BARX2: variants seen among roughly 807,000 people sequenced by gnomAD.
The protein encoded by BARX2 is BARX homeobox 2.
BARX2 carries 11 observed loss-of-function variants against 25.5 expected under a neutral mutation model. That is an observed-to-expected ratio of 0.43 (90% CI 0.27 to 0.71). The LOEUF (loss-of-function observed/expected upper bound fraction) is 0.71, where lower values mean the gene tolerates loss of function less well. Ranked by LOEUF, BARX2 falls within the 30% of genes least tolerant of loss-of-function variation. The pLI is 0.19. For missense variants in BARX2, 360 were observed against 359.9 expected (o/e 1.00, Z 0.00); for synonymous variants, 137 against 149.5 (o/e 0.92, Z 0.61).
At chr11:129,422,118 G>A (rs1301293729) in intron 1 of BARX2, among the ~76,000 whole-genome samples, 1 of 152,012 alleles carries the variant, frequency 6.6e-6, no homozygotes, top group Non-Finnish European at 1.5e-5. Context: ...GGCTTCAAAT[G>A]ATCTCCTGCC....
chr11:129,436,556 G>T lies in BARX2; in HGVS notation c.188-195G>T, dbSNP rs746552602. ...GCCGTGGGCTTCATCTTCCCACACA[G>T]AGCAGAGCAGACCTCTGTGCCTGCC... On this transcript the variant is annotated intron_variant, in intron 1 of 3. Transcript: ENST00000281437. This position sits in a 1 kb window ranked among gnomAD's most constrained non-coding sequence, Gnocchi z 4.5. 7 of 540,100 alleles carry T rather than the reference G, an allele frequency of 1.3e-5. No individual in the cohort carries two copies. The highest frequency in any genetic ancestry group is 1.9e-5 in the Non-Finnish European group (6 of 317,308). 33.5% of individuals were successfully genotyped at this position (540,100 alleles called of 1,614,324 possible). A position where few individuals can be genotyped will look rare whatever the true frequency, so the allele number is the denominator to read the frequency against.
intron 1 of BARX2, among the ~76,000 whole-genome samples, chr11:129,428,897 T>C (rs555398798): frequency 6.6e-6 from 1 of 152,148 alleles, no homozygotes; most frequent in Non-Finnish European, 1.5e-5. Context: ...TGGGGAAGAG[T>C]ACACTCTTAG....
intron 1 of BARX2, among the ~76,000 whole-genome samples, chr11:129,418,710 C>T (rs1051176402): frequency 2.6e-5 from 4 of 151,958 alleles, no homozygotes; most frequent in Non-Finnish European, 5.9e-5. Flanking sequence ...AATTGGGTAC[C>T]CTGTCATGAG....
At chr11:129,404,284 T>C (rs1591433993) in intron 1 of BARX2, among the ~76,000 whole-genome samples, 1 of 152,208 alleles carries the variant, frequency 6.6e-6, no homozygotes, top group Non-Finnish European at 1.5e-5. Flanking sequence ...GGGTGAACAG[T>C]GCACCATCCA....
At chr11:129,383,746 C>T (rs183863189) in intron 1 of BARX2, among the ~76,000 whole-genome samples, 254 of 152,306 alleles carry the variant, frequency 1.7e-3, no homozygotes, top group Non-Finnish European at 3.0e-3. Context: ...AAACTAACTA[C>T]GTTCCATGTA....
intron 1 of BARX2, among the ~76,000 whole-genome samples, chr11:129,417,346 G>A (rs1565516253): frequency 6.6e-6 from 1 of 152,148 alleles, no homozygotes; most frequent in Non-Finnish European, 1.5e-5. Context: ...CCCAGGACAG[G>A]GAGGCCACGT....
At chr11:129,408,672 T>C (rs1368666819) in intron 1 of BARX2, among the ~76,000 whole-genome samples, 3 of 152,238 alleles carry the variant, frequency 2.0e-5, no homozygotes, top group African/African-American at 4.8e-5. Context: ...TTGGAGACTA[T>C]CTCGGCCTCC....
chr11:129,380,361 G>C (rs919095495), intron 1 of BARX2, among the ~76,000 whole-genome samples: 5 of 152,064 alleles, frequency 3.3e-5, no homozygotes, highest in African/African-American at 1.2e-4. Flanking sequence ...CAAACATTGG[G>C]TGTCATCCCA....
chr11:129,433,338 C>A (rs756384587), intron 1 of BARX2, among the ~76,000 whole-genome samples: 5 of 152,196 alleles, frequency 3.3e-5, no homozygotes, highest in African/African-American at 1.2e-4. Flanking sequence ...GGTCTACTGG[C>A]CTCCTCACTG....
chr11:129,442,002 A>G (rs1565522934), intron 2 of BARX2, among the ~76,000 whole-genome samples: 1 of 152,220 alleles, frequency 6.6e-6, no homozygotes, highest in Non-Finnish European at 1.5e-5. Flanking sequence ...GACTTTTAGG[A>G]CTTTTCAGAA....
intron 2 of BARX2, 97 bp from the exon 3 acceptor site, chr11:129,442,738 C>A: frequency 1.9e-6 from 2 of 1,060,746 alleles, no homozygotes; most frequent in Non-Finnish European, 3.0e-6. Flanking sequence ...GCCTTGGTAG[C>A]CAGTGCTGGA....
chr11:129,386,611 T>G (rs1050168675), intron 1 of BARX2, among the ~76,000 whole-genome samples: 2 of 152,214 alleles, frequency 1.3e-5, no homozygotes, highest in African/African-American at 4.8e-5. Flanking sequence ...TCCTATTGTT[T>G]GGAGGAGTAA....
At chr11:129,425,903 T>C (rs1862056872) in intron 1 of BARX2, among the ~76,000 whole-genome samples, 1 of 152,182 alleles carries the variant, frequency 6.6e-6, no homozygotes, top group African/African-American at 2.4e-5. Flanking sequence ...ACTGGAGGGT[T>C]ATTCCAGAGT....
Position 129,390,566 on chromosome 11 carries a change from G to A in BARX2, c.187+14344G>A, listed in dbSNP as rs1460917596. ...AATGTTGGCCAATGGGGAAGGGAGA[G>A]TGAGGGGTAAGGAAACAAGTTAGTC... On this transcript the variant is annotated intron_variant, in intron 1 of 3. Transcript: ENST00000281437. The surrounding 1 kb of genome is among the most constrained non-coding windows in gnomAD (Gnocchi z 4.3). 2.0e-5 allele frequency among the ~76,000 whole-genome samples: 3 copies of A among 151,170 alleles called. No individual in the cohort carries two copies. The highest frequency in any genetic ancestry group is 7.3e-5 in the African/African-American group (3 of 41,112).
chr11:129,380,016 A>C (rs7108298), intron 1 of BARX2, among the ~76,000 whole-genome samples: 71,594 of 151,316 alleles, frequency 0.47, 17,099 homozygotes, highest in East Asian at 0.57. Context: ...AGAGCTGGAG[A>C]GGCTCATAAA....
intron 1 of BARX2, among the ~76,000 whole-genome samples, chr11:129,414,751 A>T (rs1486156259): frequency 6.6e-6 from 1 of 152,248 alleles, no homozygotes; most frequent in East Asian, 1.9e-4. Context: ...TTGTGCCTTC[A>T]TTGTGACTGG....
At chr11:129,417,852 G>C (rs550519764) in intron 1 of BARX2, among the ~76,000 whole-genome samples, 2 of 152,224 alleles carry the variant, frequency 1.3e-5, no homozygotes, top group African/African-American at 2.4e-5. Context: ...TGTCATTTTC[G>C]TAAGTTTCTA....
chr11:129,389,935 GC>G (rs1334873776), intron 1 of BARX2, among the ~76,000 whole-genome samples: 1 of 152,112 alleles, frequency 6.6e-6, no homozygotes, highest in African/African-American at 2.4e-5. Flanking sequence ...TACTGGTGGG[GC>G]TAGCTTCTGA....
intron 1 of BARX2, among the ~76,000 whole-genome samples, chr11:129,393,765 T>C (rs1419878199): frequency 1.3e-5 from 2 of 152,160 alleles, no homozygotes; most frequent in Non-Finnish European, 2.9e-5. Context: ...AAAAGAATAG[T>C]AATACAATGA....
Sources: gnomAD v4.1 joint callset for allele counts (sites outside exome capture counted in the v4.1 genomes callset) on GRCh38, gnomAD v4.1.1 for gene constraint, Gnocchi (gnomAD v3.1) non-coding constraint, MANE v1.5 for transcripts, NCBI Gene and HGNC (gene_info 2026-07-23, HGNC 2026-07-21) for gene names.